Variants in MSANTD1 observed in about 807,000 individuals in gnomAD.
The protein encoded by MSANTD1 is myb/SANT-like DNA-binding domain-containing protein 1.
MSANTD1 carries 7 observed loss-of-function variants against 24.2 expected under a neutral mutation model. The observed-to-expected ratio is 0.29, with a 90% CI of 0.16 to 0.54. The LOEUF is 0.54. Among genes scored for constraint, MSANTD1 ranks in the 20% least tolerant of loss-of-function variants. MSANTD1 has a pLI of 0.94. For synonymous variants in MSANTD1, 177 were observed against 181.1 expected (o/e 0.98, Z 0.18); for missense variants, 384 against 408.2 (o/e 0.94, Z 0.51).
Position 3,255,944 on chromosome 4 carries a change from C to A in MSANTD1, c.816C>A (p.Ile272=). The change falls in exon 3 of 3, where the codon ATC becomes ATA. Residue 272 remains isoleucine, a synonymous_variant. Coordinates refer to ENST00000438480, the MANE Select transcript of MSANTD1 (RefSeq NM_001042690.2). Reference sequence around the variant, plus strand: ...GCATGATGAGTCTGCTGGAGAGGATCATCACCAAGTCCAGCGTCTAGGCCA... The same window carrying A: ...GCATGATGAGTCTGCTGGAGAGGATAATCACCAAGTCCAGCGTCTAGGCCA... ...QERMMSLLER[I]ITKSSV 1 of 1,539,596 alleles carries A rather than the reference C, an allele frequency of 6.5e-7. No homozygotes were observed.
chr4:3,245,368 C>A (rs1264294146), upstream of MSANTD1: 1 of 152,606 alleles, frequency 6.6e-6, no homozygotes, highest in African/African-American at 2.4e-5. Flanking sequence ...GAAGTCGCTT[C>A]CCCTGCGTGG....
rs1722136111 is a variant in MSANTD1 at position 3,249,277 on chromosome 4, G to A, written c.55G>A (p.Gly19Ser). The A allele has an allele frequency of 6.6e-7, 1 of 1,515,076 alleles. No homozygotes were observed. Among genetic ancestry groups the A allele is most frequent in the South Asian group, 1.3e-5 (1 of 79,632 alleles). The allele number at this position is 1,515,076 out of a possible 1,614,324, so 93.9% of individuals were successfully genotyped here. The change falls in exon 1 of 3, where the codon GGC (glycine) becomes AGC (serine). Residue 19 changes from glycine (G) to serine (S), a missense_variant. Physicochemically the swap from Gly to Ser is moderately conservative, Grantham distance 56 (BLOSUM62 0). Coordinates refer to ENST00000438480, the MANE Select transcript of MSANTD1 (RefSeq NM_001042690.2). The stretch of plus-strand genomic sequence containing the variant: ...GCTGAGCGCGCTCTCTCACCCCACA[G>A]GCGCCTCCGGCATGGCGGCGGCCGA... ...PSLSALSHPTGASGMAAAEGP... is the reference protein window; with the variant it reads ...PSLSALSHPTSASGMAAAEGP...
chr4:3,245,615 C>T (rs967967758), upstream of MSANTD1, among the ~76,000 whole-genome samples: 2 of 152,202 alleles, frequency 1.3e-5, no homozygotes, highest in Non-Finnish European at 2.9e-5. Context: ...CCATGAGCAC[C>T]GTGACAGTGT....
In MSANTD1 at chr4:3,256,276, G is replaced by C. The variant is rs950301203; in HGVS notation, c.*311G>C. 3 of 245,640 alleles carry C rather than the reference G, an allele frequency of 1.2e-5. No individual in the cohort carries two copies. The highest frequency in any genetic ancestry group is 6.7e-5 in the African/African-American group (3 of 44,676). The allele number at this position is 245,640 out of a possible 1,614,324, so 15.2% of individuals were successfully genotyped here. On this transcript the variant is annotated 3_prime_UTR_variant, in exon 3 of 3. Transcript: ENST00000438480. ...CGTTACTATCAATGATACTTGACGT[G>C]GCTTTGATATTAAACGTATACTTTT...
chr4:3,253,131 C>G (rs1393325902), intron 1 of MSANTD1, 76 bp from the exon 2 acceptor site: 2 of 1,419,828 alleles, frequency 1.4e-6, no homozygotes, highest in Non-Finnish European at 1.9e-6. Flanking sequence ...TGGCGCGCCC[C>G]TCTGCTGAGG....
intron 1 of MSANTD1, among the ~76,000 whole-genome samples, chr4:3,250,732 C>G (rs538337339): frequency 4.1e-4 from 62 of 152,292 alleles, no homozygotes; most frequent in African/African-American, 1.5e-3. Flanking sequence ...CACTCAGCTG[C>G]TCCACCTCCG....
Position 3,253,324 on chromosome 4 carries a change from C to A in MSANTD1, c.438C>A (p.Ser146Arg). The A allele has an allele frequency of 6.2e-7, 1 of 1,610,120 alleles. No homozygotes were observed. The highest frequency in any genetic ancestry group is 8.5e-7 in the Non-Finnish European group (1 of 1,178,372). ...CCTGTGATGGCAAACTGCCGGACAGCCAGCCGCCGGGGCCCTCCACGTCCC... is the reference window on the plus strand; with the variant it reads ...CCTGTGATGGCAAACTGCCGGACAGACAGCCGCCGGGGCCCTCCACGTCCC... ...PESCDGKLPD[S>R]QPPGPSTSQT... is the part of the protein sequence containing the mutation. The change falls in exon 2 of 3, where the codon AGC becomes AGA. Residue 146 changes from serine (S) to arginine (R), a missense_variant. Coordinates refer to ENST00000438480, the MANE Select transcript of MSANTD1 (RefSeq NM_001042690.2).
At position 3,253,474 on chromosome 4, in the gene MSANTD1, T is replaced by G; in HGVS notation, c.588T>G (p.Leu196=). The change falls in exon 2 of 3, where the codon CTT becomes CTG. Residue 196 remains leucine (L), a synonymous_variant. Coordinates refer to ENST00000438480, the MANE Select transcript of MSANTD1 (RefSeq NM_001042690.2). ...ACAGCTCCTCCAGCTTACTGTCCCT[T>G]AAGTTCAGGTAGTGTGTCTGCTTGT... ...RSDSSSSLLS[L]KFRSEERPVK... 6.4e-7 allele frequency: 1 copy of G among 1,554,556 alleles called. No individual in the cohort carries two copies. Among genetic ancestry groups the G allele is most frequent in the Non-Finnish European group, 8.7e-7 (1 of 1,144,702 alleles).
At chr4:3,253,531 A>G (rs2798227) in intron 2 of MSANTD1, 49 bp downstream of exon 2, 627,562 of 1,435,288 alleles carry the variant, frequency 0.44, 143,449 homozygotes, top group Non-Finnish European at 0.46. Flanking sequence ...CTCAGCCCCC[A>G]CCATTTAGAG....
rs1055527176 is a variant in MSANTD1, at chr4:3,249,663, C to T, written c.320+121C>T. ...TGTGGGTCGTGGCCTGCCTGTCGGT[C>T]TCCTCTGGCCGGGTATGGGCAGAAC... On this transcript the variant is annotated intron_variant, in intron 1 of 2. Transcript: ENST00000438480. 2.4e-5 allele frequency: 24 copies of T among 1,000,586 alleles called. No homozygotes were observed. In the African/African-American group the frequency reaches 2.6e-4, roughly 11 times the overall value. The allele number at this position is 1,000,586 out of a possible 1,614,324, so 62.0% of individuals were successfully genotyped here. A position where few individuals can be genotyped will look rare whatever the true frequency, so the allele number is the denominator to read the frequency against.
chr4:3,255,583 T>G, intron 2 of MSANTD1, 142 bp from the exon 3 acceptor site: 43 of 1,130,900 alleles, frequency 3.8e-5, no homozygotes, highest in Non-Finnish European at 5.2e-5. Flanking sequence ...ACATGGAATA[T>G]GAGACCCTGA....
chr4:3,250,950 C>T (rs964084970), intron 1 of MSANTD1, among the ~76,000 whole-genome samples: 2 of 152,238 alleles, frequency 1.3e-5, no homozygotes, highest in Non-Finnish European at 2.9e-5. Context: ...CTTTCAGTTG[C>T]GTTGATTTGA....
chr4:3,248,872 G>C (rs1389963832), upstream of MSANTD1: 2 of 238,132 alleles, frequency 8.4e-6, no homozygotes. Flanking sequence ...CTCCTTGCCT[G>C]TTCCCACCCG....
At chr4:3,247,055 C>A (rs1183813843), upstream of MSANTD1, among the ~76,000 whole-genome samples, 2 of 152,164 alleles carry the variant, frequency 1.3e-5, no homozygotes, top group East Asian at 3.9e-4. Context: ...CACTGGCCAG[C>A]AGCTGCCCCT....
chr4:3,253,570 G>T, intron 2 of MSANTD1, 88 bp downstream of exon 2: 2 of 1,358,006 alleles, frequency 1.5e-6, no homozygotes. Flanking sequence ...AAGGCCGGCG[G>T]CGGCGGCCAC....
chr4:3,248,568 C>CG (rs1359205687), upstream of MSANTD1: 4 of 152,422 alleles, frequency 2.6e-5, no homozygotes, highest in Non-Finnish European at 5.9e-5. Context: ...CTGACCAACC[C>CG]GGGCTTCCAG....
intron 2 of MSANTD1, among the ~76,000 whole-genome samples, chr4:3,255,095 GA>G (rs1179731509): frequency 1.3e-5 from 2 of 152,330 alleles, no homozygotes; most frequent in Admixed American, 1.3e-4. Context: ...TCCCTGGCAG[GA>G]TATGCCCCTC....
Position 3,255,803 on chromosome 4 carries a change from C to T in MSANTD1, c.675C>T (p.Ala225=). 1 of 1,546,810 alleles carries T rather than the reference C, an allele frequency of 6.5e-7. No individual in the cohort carries two copies. Among genetic ancestry groups the T allele is most frequent in the East Asian group, 2.4e-5 (1 of 40,914 alleles). ...AGAAGCAGCTGCGGCTGCTGGAGGC[C>T]ATGGTGGAGGAGCAGCGCCGGCTGA... ...LQKKQLRLLE[A]MVEEQRRLSR... The change falls in exon 3 of 3, where the codon GCC becomes GCT. Residue 225 remains alanine, a synonymous_variant. Coordinates refer to ENST00000438480, the MANE Select transcript of MSANTD1 (RefSeq NM_001042690.2).
chr4:3,253,925 T>A (rs1722309439), intron 2 of MSANTD1, among the ~76,000 whole-genome samples: 1 of 152,168 alleles, frequency 6.6e-6, no homozygotes, highest in African/African-American at 2.4e-5. Context: ...CTCTCAGCAC[T>A]GGGGAGGGTG....
Sources: gnomAD v4.1 joint callset for allele counts (sites outside exome capture counted in the v4.1 genomes callset) on GRCh38, gnomAD v4.1.1 for gene constraint, MANE v1.5 for transcripts, NCBI Gene and HGNC (gene_info 2026-07-23, HGNC 2026-07-21) for gene names.